Variants in SCFD2 observed in about 807,000 individuals in gnomAD.
SCFD2 encodes sec1 family domain containing 2.
Under a neutral mutation model 58.9 loss-of-function variants are expected in SCFD2, and 54 were observed. That is an observed-to-expected ratio of 0.92 (90% CI 0.74 to 1.15). The LOEUF is 1.15. Among genes scored for constraint, SCFD2 ranks in the 50% most tolerant of loss-of-function variants. The probability of loss-of-function intolerance (pLI) is 0.00; values close to 1 mark genes in which losing one functional copy is unlikely to be tolerated. For missense variants in SCFD2, 805 were observed against 836.6 expected (o/e 0.96, Z 0.47); for synonymous variants, 321 against 335.9 (o/e 0.96, Z 0.49).
chr4:53,276,048 A>G (rs1305835482), intron 3 of SCFD2, among the ~76,000 whole-genome samples: 2 of 151,720 alleles, frequency 1.3e-5, no homozygotes, highest in African/African-American at 4.8e-5. Context: ...GTGTGTATAC[A>G]TATGTTTCAT....
At chr4:53,268,272 A>T (rs1017255820) in intron 4 of SCFD2, among the ~76,000 whole-genome samples, 1 of 152,080 alleles carries the variant, frequency 6.6e-6, no homozygotes, top group African/African-American at 2.4e-5. Context: ...TCCACGTGGA[A>T]GGTGGTGGAA....
At chr4:52,988,397 T>C (rs894669739) in intron 5 of SCFD2, among the ~76,000 whole-genome samples, 6 of 152,166 alleles carry the variant, frequency 3.9e-5, no homozygotes, top group African/African-American at 1.4e-4. Flanking sequence ...ATAATGTTGC[T>C]TTAGGACCTA....
intron 4 of SCFD2, among the ~76,000 whole-genome samples, chr4:53,230,080 T>A (rs1326986966): frequency 1.3e-5 from 2 of 152,162 alleles, no homozygotes; most frequent in Non-Finnish European, 2.9e-5. Flanking sequence ...AGATACCATC[T>A]CACACCAGTT....
intron 6 of SCFD2, 47 bp downstream of exon 6, chr4:52,920,678 T>C (rs777910147): frequency 7.2e-7 from 1 of 1,397,624 alleles, no homozygotes; most frequent in South Asian, 1.4e-5. Flanking sequence ...CTCTGAATCC[T>C]AGAAGTACAA....
At chr4:53,130,712 GA>G (rs1181439234) in intron 5 of SCFD2, among the ~76,000 whole-genome samples, 1 of 152,160 alleles carries the variant, frequency 6.6e-6, no homozygotes, top group Non-Finnish European at 1.5e-5. Context: ...ACCTCTGGAA[GA>G]AAAAACCCTC....
intron 4 of SCFD2, among the ~76,000 whole-genome samples, chr4:53,240,872 A>T (rs1252574146): frequency 2.0e-5 from 3 of 152,142 alleles, no homozygotes; most frequent in Admixed American, 6.5e-5. Flanking sequence ...CATTGAATGG[A>T]CCTCTCCAAG....
intron 5 of SCFD2, among the ~76,000 whole-genome samples, chr4:53,048,760 T>C (rs920122266): frequency 1.5e-4 from 23 of 152,218 alleles, no homozygotes; most frequent in East Asian, 3.9e-4. Flanking sequence ...TCTCTTCTCA[T>C]TGGGCTTCAG....
At chr4:53,249,350 A>G (rs10012847) in intron 4 of SCFD2, among the ~76,000 whole-genome samples, 148,754 of 152,288 alleles carry the variant, frequency 0.98, 72,758 homozygotes, top group Middle Eastern at 1. Context: ...TGAAAGTGAC[A>G]GGGAGAATGG....
At chr4:52,991,863 C>A (rs1187117332) in intron 5 of SCFD2, among the ~76,000 whole-genome samples, 2 of 152,102 alleles carry the variant, frequency 1.3e-5, no homozygotes, top group African/African-American at 4.8e-5. Context: ...CCAAAGTGAT[C>A]TTGAATCCTT....
At chr4:52,888,257 A>C (rs1378199042) in intron 7 of SCFD2, among the ~76,000 whole-genome samples, 1 of 152,172 alleles carries the variant, frequency 6.6e-6, no homozygotes, top group Non-Finnish European at 1.5e-5. Flanking sequence ...TCTGAAGAGG[A>C]AATTCAGAAT....
chr4:53,026,618 G>T (rs1722479729), intron 5 of SCFD2, among the ~76,000 whole-genome samples: 1 of 152,178 alleles, frequency 6.6e-6, no homozygotes, highest in East Asian at 1.9e-4. Flanking sequence ...AAATTACAGT[G>T]AGAACCCTGC....
At chr4:52,974,454 A>C (rs1037764321) in intron 5 of SCFD2, among the ~76,000 whole-genome samples, 12 of 152,170 alleles carry the variant, frequency 7.9e-5, no homozygotes, top group Non-Finnish European at 1.6e-4. Flanking sequence ...CTAGAATCCA[A>C]CTTACAAGGG....
chr4:53,124,571 C>T (rs1231765476), intron 5 of SCFD2, among the ~76,000 whole-genome samples: 7 of 152,042 alleles, frequency 4.6e-5, no homozygotes, highest in Admixed American at 3.3e-4. Context: ...TTTGGCTTAT[C>T]GGGATTAGAG....
At chr4:53,325,942 G>C (rs1293142157) in intron 2 of SCFD2, among the ~76,000 whole-genome samples, 1 of 151,954 alleles carries the variant, frequency 6.6e-6, no homozygotes, top group African/African-American at 2.4e-5. Context: ...ACATGGAAAA[G>C]TATAAGAAAA....
chr4:53,253,989 G>T (rs1220733929), intron 4 of SCFD2, among the ~76,000 whole-genome samples: 1 of 151,346 alleles, frequency 6.6e-6, no homozygotes, highest in Non-Finnish European at 1.5e-5. Context: ...AAGTAGCATA[G>T]AAAGAGAAAA....
At chr4:53,151,433 A>G (rs113856667) in intron 4 of SCFD2, among the ~76,000 whole-genome samples, 7 of 152,220 alleles carry the variant, frequency 4.6e-5, no homozygotes, top group South Asian at 2.1e-4. Flanking sequence ...ATGAGTCCTC[A>G]GTCACTATGC....
intron 5 of SCFD2, among the ~76,000 whole-genome samples, chr4:53,082,936 T>C (rs1348587547): frequency 1.3e-5 from 2 of 150,870 alleles, no homozygotes; most frequent in African/African-American, 2.4e-5. Flanking sequence ...TCAGCCTCTA[T>C]AATCACATAA....
chr4:52,934,177 T>A (rs936674004), intron 5 of SCFD2, among the ~76,000 whole-genome samples: 4 of 152,236 alleles, frequency 2.6e-5, no homozygotes, highest in African/African-American at 9.6e-5. Context: ...TAAGTTCTCT[T>A]TTCCCACACT....
intron 4 of SCFD2, among the ~76,000 whole-genome samples, chr4:53,230,348 A>C (rs1729394414): frequency 6.6e-6 from 1 of 152,188 alleles, no homozygotes. Flanking sequence ...CACTATTCAC[A>C]ATAGCAAAGA....
Sources: gnomAD v4.1 joint callset for allele counts (sites outside exome capture counted in the v4.1 genomes callset) on GRCh38, gnomAD v4.1.1 for gene constraint, MANE v1.5 for transcripts, NCBI Gene and HGNC (gene_info 2026-07-23, HGNC 2026-07-21) for gene names.